Variants in ST6GALNAC1 observed in about 807,000 individuals in gnomAD.
ST6GALNAC1 encodes alpha-N-acetylgalactosaminide alpha-2,6-sialyltransferase 1.
ST6GALNAC1 carries 45 observed loss-of-function variants against 56.8 expected under a neutral mutation model. The ratio of observed to expected loss-of-function variants is 0.79; its 90% CI spans 0.62 to 1.02. ST6GALNAC1 has a LOEUF of 1.02. ST6GALNAC1 is among the 50% of genes least tolerant of loss of function. ST6GALNAC1 has a pLI of 0.00. For missense variants in ST6GALNAC1, 743 were observed against 754.8 expected, an observed-to-expected ratio of 0.98 and a Z score of 0.18; for synonymous variants, 295 against 297.8, an observed-to-expected ratio of 0.99 and a Z score of 0.10.
At position 76,629,603 on chromosome 17, in the gene ST6GALNAC1, C is replaced by T. The variant is rs149853615; in HGVS notation, c.240G>A (p.Val80=). ...ARRTTIYAEP[V]PENNALNTQT... ...GTGTGTTGAGGGCATTGTTCTCTGGCACTGGCTCTGCATAGATGGTTGTCC... is the reference window on the plus strand; with the variant it reads ...GTGTGTTGAGGGCATTGTTCTCTGGTACTGGCTCTGCATAGATGGTTGTCC... Residue 80 remains valine, a synonymous_variant, in exon 2 of 9, where the codon GTG becomes GTA. Coordinates refer to ENST00000156626, the MANE Select transcript of ST6GALNAC1 (RefSeq NM_018414.5). 191 of 1,613,608 alleles carry T rather than the reference C, an allele frequency of 1.2e-4. No homozygotes were observed. In the African/African-American group the frequency reaches 2.2e-3, roughly 19 times the overall value.
In ST6GALNAC1 at chr17:76,625,266, C is replaced by G. The variant is rs753237595; in HGVS notation, c.*64G>C. The G allele has an allele frequency of 3.9e-6, 6 of 1,553,588 alleles. No individual in the cohort carries two copies. The highest frequency in any genetic ancestry group is 5.2e-6 in the Non-Finnish European group (6 of 1,143,394). ...GCCATGGGAAATGGCCAAAGAGTCTCAAGATTCCCACTGTATCCTGTGCCT... is the reference window on the plus strand; with the variant it reads ...GCCATGGGAAATGGCCAAAGAGTCTGAAGATTCCCACTGTATCCTGTGCCT... On this transcript the variant is annotated 3_prime_UTR_variant, in exon 9 of 9. Coordinates refer to ENST00000156626, the MANE Select transcript of ST6GALNAC1 (RefSeq NM_018414.5).
chr17:76,621,488 T>C (rs1166793752), downstream of ST6GALNAC1, among the ~76,000 whole-genome samples: 1 of 150,936 alleles, frequency 6.6e-6, no homozygotes, highest in Non-Finnish European at 1.5e-5. Flanking sequence ...GGCTTCTTTT[T>C]ATTTTTGAGA....
intron 1 of ST6GALNAC1, among the ~76,000 whole-genome samples, chr17:76,631,763 A>C (rs1351797442): frequency 1.3e-5 from 2 of 151,664 alleles, no homozygotes; most frequent in Non-Finnish European, 2.9e-5. Context: ...TCCTATCTCC[A>C]TCCCTTTCCA....
At chr17:76,636,527 A>G (rs911648156) in intron 1 of ST6GALNAC1, among the ~76,000 whole-genome samples, 1 of 152,190 alleles carries the variant, frequency 6.6e-6, no homozygotes, top group African/African-American at 2.4e-5. Flanking sequence ...GACCACAGAC[A>G]GTGTCAGAAA....
At position 76,627,431 on chromosome 17, in the gene ST6GALNAC1, C is replaced by T; in HGVS notation, c.984G>A (p.Met328Ile). The T allele has an allele frequency of 4.3e-6, 7 of 1,614,172 alleles. No homozygotes were observed. Among genetic ancestry groups the T allele is most frequent in the Non-Finnish European group, 5.9e-6 (7 of 1,180,018 alleles). ...LEHFAPPFGF[M>I]ELNYSLVQKV... ...AGGACTCACAGGAGTAGTTGAGCTC[C>T]ATGAAGCCAAAGGGTGGTGCAAAGT... is the stretch of plus-strand genomic sequence containing the variant. Residue 328 changes from methionine (M) to isoleucine (I), a missense_variant, in exon 3 of 9, where the codon ATG becomes ATA. Physicochemically the swap from Met to Ile is conservative, Grantham distance 10. Transcript: ENST00000156626. This position sits in a 1 kb window ranked among gnomAD's most constrained non-coding sequence, Gnocchi z 4.4.
At chr17:76,636,511 A>G (rs1274823999) in intron 1 of ST6GALNAC1, among the ~76,000 whole-genome samples, 1 of 152,210 alleles carries the variant, frequency 6.6e-6, no homozygotes, top group Non-Finnish European at 1.5e-5. Flanking sequence ...GAGCCTAGGA[A>G]GACAGGACCA....
rs868476461 is a variant in ST6GALNAC1, at chr17:76,638,110, C to G, written c.131+5398G>C. Among the ~76,000 whole-genome samples the G allele has an allele frequency of 1.4e-3, 186 of 132,798 alleles. 2 individuals are homozygous for G. In the Middle Eastern group the frequency reaches 0.017, roughly 12 times the overall value. The allele number at this position is 132,798 out of a possible 152,430, so 87.1% of individuals were successfully genotyped here. A position where few individuals can be genotyped will look rare whatever the true frequency, so the allele number is the denominator to read the frequency against. ...CATAGGTCTGTTTTTACAGCTCACT[C>G]TTTTTTTTTTTTTTTTTTAATGGAA... On this transcript the variant is annotated intron_variant, in intron 1 of 8. Coordinates refer to ENST00000156626, the MANE Select transcript of ST6GALNAC1 (RefSeq NM_018414.5).
chr17:76,636,667 C>A (rs1044275149), intron 1 of ST6GALNAC1, among the ~76,000 whole-genome samples: 1 of 145,020 alleles, frequency 6.9e-6, no homozygotes, highest in Non-Finnish European at 1.5e-5. Flanking sequence ...GTAGCCCCCA[C>A]CCAGCCGCCG....
rs185073553 is a variant in ST6GALNAC1, at chr17:76,638,553, T to G, written c.131+4955A>C. On this transcript the variant is annotated intron_variant, in intron 1 of 8. Coordinates refer to ENST00000156626, the MANE Select transcript of ST6GALNAC1 (RefSeq NM_018414.5). The stretch of plus-strand genomic sequence containing the variant: ...GATTACAGGCAACCGCCACCACGCC[T>G]GGCTAACTTTTGTATTTTTATTTAT... Among the ~76,000 whole-genome samples, 248 of 152,034 alleles carry G rather than the reference T, an allele frequency of 1.6e-3. 3 individuals are homozygous for G. In the East Asian group the frequency reaches 0.033, roughly 20 times the overall value.
chr17:76,642,219 CCTATCTAT>C (rs10693413), intron 1 of ST6GALNAC1, among the ~76,000 whole-genome samples: 8 of 150,188 alleles, frequency 5.3e-5, no homozygotes, highest in East Asian at 2.0e-4. Context: ...TCTCTATCTG[CCTATCTAT>C]CTATCTATCT....
At chr17:76,621,145 C>T (rs973456438), downstream of ST6GALNAC1, among the ~76,000 whole-genome samples, 1 of 151,792 alleles carries the variant, frequency 6.6e-6, no homozygotes, top group African/African-American at 2.4e-5. Context: ...CGTAACCAAT[C>T]CAGCTGTTTC....
chr17:76,626,509 C>A, intron 5 of ST6GALNAC1, 117 bp from the exon 6 acceptor site: 1 of 1,495,464 alleles, frequency 6.7e-7, no homozygotes, highest in South Asian at 1.2e-5. Context: ...TCTGACTGTC[C>A]TCCCCACTCC....
intron 8 of ST6GALNAC1, 138 bp downstream of exon 8, chr17:76,625,681 A>C (rs1050301967): frequency 2.7e-6 from 3 of 1,115,532 alleles, no homozygotes; most frequent in Non-Finnish European, 2.5e-6. Context: ...GCATAACTGC[A>C]TGCACCCATA....
chr17:76,624,534 G>A (rs941432738), downstream of ST6GALNAC1, among the ~76,000 whole-genome samples: 2 of 152,286 alleles, frequency 1.3e-5, no homozygotes, highest in African/African-American at 2.4e-5. Context: ...ACAGGCCACC[G>A]TGCCTGGCCA....
rs752759631 is a variant in ST6GALNAC1, at chr17:76,627,600, G to A, written c.832-17C>T. On this transcript the variant is annotated splice_polypyrimidine_tract_variant and intron_variant, in intron 2 of 8. Coordinates refer to ENST00000156626, the MANE Select transcript of ST6GALNAC1 (RefSeq NM_018414.5). The surrounding 1 kb of genome is among the most constrained non-coding windows in gnomAD (Gnocchi z 4.4). ...AGGGCAAGTCTATATACAGGAGGAC[G>A]AAGTCAGGAAGGGAGAGACCCAGAA... 7.4e-6 allele frequency: 12 copies of A among 1,611,724 alleles called. No individual in the cohort carries two copies. Among genetic ancestry groups the A allele is most frequent in the African/African-American group, 1.3e-5 (1 of 75,006 alleles).
chr17:76,627,049 T>C lies in ST6GALNAC1; in HGVS notation c.1172+18A>G. The C allele has an allele frequency of 6.5e-7, 1 of 1,532,374 alleles. No individual in the cohort carries two copies. The highest frequency in any genetic ancestry group is 8.8e-7 in the Non-Finnish European group (1 of 1,139,618). 94.9% of individuals were successfully genotyped at this position (1,532,374 alleles called of 1,614,324 possible). ...CAGGAGAGGGGCTGGAGAGGGAGCTTGGGTGGGGACAGCTTACCGGAACAC... is the reference window on the plus strand; with the variant it reads ...CAGGAGAGGGGCTGGAGAGGGAGCTCGGGTGGGGACAGCTTACCGGAACAC... On this transcript the variant is annotated intron_variant, in intron 4 of 8. Coordinates refer to ENST00000156626, the MANE Select transcript of ST6GALNAC1 (RefSeq NM_018414.5). The surrounding 1 kb of genome is among the most constrained non-coding windows in gnomAD (Gnocchi z 4.4).
At position 76,629,261 on chromosome 17, in the gene ST6GALNAC1, C is replaced by A. The variant is rs577487197; in HGVS notation, c.582G>T (p.Thr194=). The change falls in exon 2 of 9, where the codon ACG becomes ACT. Residue 194 remains threonine (T), a synonymous_variant. Coordinates refer to ENST00000156626, the MANE Select transcript of ST6GALNAC1 (RefSeq NM_018414.5). ...HQGKAATTAK[T]LIPKSQHRML... The stretch of plus-strand genomic sequence containing the variant: ...TTCTGTGCTGACTTTTGGGAATGAG[C>A]GTCTTGGCTGTGGTTGCCGCTTTGC... The A allele has an allele frequency of 6.2e-7, 1 of 1,614,158 alleles. No homozygotes were observed. The highest frequency in any genetic ancestry group is 1.1e-5 in the South Asian group (1 of 91,084).
intron 1 of ST6GALNAC1, among the ~76,000 whole-genome samples, chr17:76,638,161 T>G (rs944864521): frequency 4.5e-4 from 68 of 150,674 alleles, no homozygotes; most frequent in African/African-American, 1.6e-3. Context: ...CACGTCATCC[T>G]TGTGCAGGGG....
intron 1 of ST6GALNAC1, among the ~76,000 whole-genome samples, chr17:76,632,869 G>A (rs2075923859): frequency 6.6e-6 from 1 of 152,148 alleles, no homozygotes; most frequent in Non-Finnish European, 1.5e-5. Context: ...GCATAATTCT[G>A]ATCTACTAGG....
Sources: allele counts gnomAD v4.1 joint callset (sites outside exome capture counted in the v4.1 genomes callset), GRCh38; gene constraint gnomAD v4.1.1; non-coding constraint Gnocchi (gnomAD v3.1); transcripts MANE v1.5; gene names NCBI Gene and HGNC (gene_info 2026-07-23, HGNC 2026-07-21).